FTO: variants seen among roughly 807,000 people sequenced by gnomAD.
FTO encodes FTO alpha-ketoglutarate dependent dioxygenase, also known as alpha-ketoglutarate-dependent dioxygenase FTO.
In FTO, 47 loss-of-function variants were observed where a neutral mutation model predicts 63.9. That is an observed-to-expected ratio of 0.74 (90% CI 0.58 to 0.94). The LOEUF (loss-of-function observed/expected upper bound fraction) is 0.94, where lower values mean the gene tolerates loss of function less well. Ranked by LOEUF, FTO falls within the 40% of genes least tolerant of loss-of-function variation. The pLI, the probability that FTO is intolerant of heterozygous loss-of-function variation, is 0.00. For synonymous variants in FTO, 207 were observed against 224.4 expected, an observed-to-expected ratio of 0.92 and a Z score of 0.69; for missense variants, 562 against 618.1, an observed-to-expected ratio of 0.91 and a Z score of 0.96.
Position 53,705,986 on chromosome 16 carries a change from T to C in FTO, c.45+1757T>C, listed in dbSNP as rs1003784476. ...ATCCATATTTTAGAGATTTAGAAAC[T>C]GAGACTTGTAGGTAAATCGTGACTT... On this transcript the variant is annotated intron_variant, in intron 1 of 8. Coordinates refer to ENST00000471389, the MANE Select transcript of FTO (RefSeq NM_001080432.3). Among the ~76,000 whole-genome samples, 14 of 152,280 alleles carry C rather than the reference T, an allele frequency of 9.2e-5. No individual in the cohort carries two copies. In the East Asian group the frequency reaches 1.7e-3, roughly 19 times the overall value.
At chr16:53,901,867 T>C (rs1368664236) in intron 7 of FTO, among the ~76,000 whole-genome samples, 1 of 152,208 alleles carries the variant, frequency 6.6e-6, no homozygotes, top group Non-Finnish European at 1.5e-5. Context: ...AAACGTGGGC[T>C]TCTGAAAGAT....
chr16:54,024,701 A>G (rs761133393), intron 8 of FTO, among the ~76,000 whole-genome samples: 1 of 152,222 alleles, frequency 6.6e-6, no homozygotes, highest in Non-Finnish European at 1.5e-5. Flanking sequence ...AATAATAGCA[A>G]TGCTTAACTC....
chr16:54,036,218 T>C (rs987587619), intron 8 of FTO, among the ~76,000 whole-genome samples: 1 of 152,206 alleles, frequency 6.6e-6, no homozygotes, highest in Admixed American at 6.5e-5. Context: ...GTATTCTGAA[T>C]TTACCACATT....
At chr16:54,032,018 G>A (rs2084843662) in intron 8 of FTO, among the ~76,000 whole-genome samples, 1 of 152,128 alleles carries the variant, frequency 6.6e-6, no homozygotes, top group African/African-American at 2.4e-5. Context: ...CCAATATATG[G>A]GAGGCATCAA....
chr16:54,109,784 C>T (rs576309052), intron 8 of FTO, among the ~76,000 whole-genome samples: 11 of 152,172 alleles, frequency 7.2e-5, no homozygotes, highest in Non-Finnish European at 1.5e-4. Context: ...TCTCAAAGTA[C>T]GGAGGCAAAA....
chr16:53,931,641 A>G (rs2082286832), intron 7 of FTO, among the ~76,000 whole-genome samples: 1 of 151,850 alleles, frequency 6.6e-6, no homozygotes, highest in Non-Finnish European at 1.5e-5. Context: ...GTTCCTTTCA[A>G]CTTTAAGAAC....
intron 8 of FTO, among the ~76,000 whole-genome samples, chr16:54,008,251 A>T (rs2084256685): frequency 6.6e-6 from 1 of 152,274 alleles, no homozygotes; most frequent in Middle Eastern, 3.4e-3. Flanking sequence ...TTGAAAACTA[A>T]TGAACCCACC....
At chr16:53,734,455 G>A (rs755891618) in intron 1 of FTO, among the ~76,000 whole-genome samples, 4 of 152,204 alleles carry the variant, frequency 2.6e-5, no homozygotes, top group Non-Finnish European at 4.4e-5. Context: ...AAAGTATAGC[G>A]TTCACCTGAT....
chr16:53,723,426 A>G (rs1475182435), intron 1 of FTO, among the ~76,000 whole-genome samples: 2 of 152,218 alleles, frequency 1.3e-5, no homozygotes, highest in African/African-American at 4.8e-5. Flanking sequence ...TACAATGAAT[A>G]TGGTAAAATG....
chr16:54,016,396 A>T (rs2084451206), intron 8 of FTO, among the ~76,000 whole-genome samples: 1 of 151,910 alleles, frequency 6.6e-6, no homozygotes, highest in African/African-American at 2.4e-5. Flanking sequence ...GGTATCTCCT[A>T]CCTAGTTGCT....
chr16:53,737,661 C>T (rs2076420598), intron 1 of FTO, among the ~76,000 whole-genome samples: 1 of 152,136 alleles, frequency 6.6e-6, no homozygotes, highest in South Asian at 2.1e-4. Flanking sequence ...TCCTTGTCAC[C>T]CAGCAGTAAT....
chr16:53,912,938 C>T (rs546882374), intron 7 of FTO, among the ~76,000 whole-genome samples: 35 of 152,338 alleles, frequency 2.3e-4, no homozygotes, highest in African/African-American at 7.7e-4. Flanking sequence ...CGAAGAGTTC[C>T]TTCCAGTGAA....
In FTO at chr16:54,055,415, A is replaced by T. The variant is rs535027654; in HGVS notation, c.1365-56347A>T. Among the ~76,000 whole-genome samples the T allele has an allele frequency of 4.6e-5, 7 of 152,364 alleles. No individual in the cohort carries two copies. The South Asian group carries it at 1.4e-3, about 32-fold the overall frequency. ...CTTGATCCAGATACTGAGCCTTGTT[A>T]AGGGACTGCCTTATCTATGGCAACG... On this transcript the variant is annotated intron_variant, in intron 8 of 8. Transcript: ENST00000471389.
At chr16:54,025,458 C>T (rs1223683618) in intron 8 of FTO, among the ~76,000 whole-genome samples, 1 of 152,202 alleles carries the variant, frequency 6.6e-6, no homozygotes, top group South Asian at 2.1e-4. Flanking sequence ...TGTGGTGGCT[C>T]ACACCTATAA....
chr16:53,855,803 GAC>G (rs71722625), intron 4 of FTO, among the ~76,000 whole-genome samples: 4,060 of 152,234 alleles, frequency 0.027, 178 homozygotes, highest in African/African-American at 0.092. Context: ...TTTCTAAAGA[GAC>G]ACAGTATCTG....
intron 8 of FTO, among the ~76,000 whole-genome samples, chr16:53,996,982 G>A (rs1486694185): frequency 5.3e-5 from 8 of 151,976 alleles, no homozygotes; most frequent in African/African-American, 1.5e-4. Flanking sequence ...GCGTGGTGGC[G>A]GGTGCCTGTA....
intron 8 of FTO, among the ~76,000 whole-genome samples, 157 bp downstream of exon 8, chr16:53,934,266 C>T (rs1282635101): frequency 6.6e-6 from 1 of 152,148 alleles, no homozygotes; most frequent in African/African-American, 2.4e-5. Flanking sequence ...CTTTCCTGCC[C>T]ACGGCACCTA....
At chr16:53,903,970 A>T (rs1222147020) in intron 7 of FTO, among the ~76,000 whole-genome samples, 2 of 151,906 alleles carry the variant, frequency 1.3e-5, no homozygotes, top group Non-Finnish European at 2.9e-5. Context: ...GTTTATATAC[A>T]TATATAAATG....
At chr16:53,733,915 C>G (rs1230352889) in intron 1 of FTO, among the ~76,000 whole-genome samples, 1 of 152,086 alleles carries the variant, frequency 6.6e-6, no homozygotes, top group East Asian at 1.9e-4. Flanking sequence ...AGATATAAAA[C>G]AAGAAACAAT....
Sources: allele counts gnomAD v4.1 joint callset (sites outside exome capture counted in the v4.1 genomes callset), GRCh38; gene constraint gnomAD v4.1.1; transcripts MANE v1.5; gene names NCBI Gene and HGNC (gene_info 2026-07-23, HGNC 2026-07-21).